CSMD1: variants seen among roughly 807,000 people sequenced by gnomAD.
CSMD1 encodes CUB and sushi domain-containing protein 1.
A neutral mutation model predicts 417.5 loss-of-function variants in CSMD1; 213 were observed. The ratio of observed to expected loss-of-function variants is 0.51; its 90% CI spans 0.46 to 0.57. The LOEUF (loss-of-function observed/expected upper bound fraction) is 0.57. CSMD1 is among the 20% of genes least tolerant of loss of function. The pLI is 0.00. For missense variants in CSMD1, 6,923 were observed against 4,529.7 expected (o/e 1.53, Z -15.17); for synonymous variants, 2,862 against 1,736.8 (o/e 1.65, Z -16.11).
chr8:4,441,095 G>GTTTTTTGTTTTTTTTTTTTTTT (rs1554478144), intron 2 of CSMD1, among the ~76,000 whole-genome samples: 2 of 51,296 alleles, frequency 3.9e-5, no homozygotes, highest in African/African-American at 1.3e-4. Flanking sequence ...TAATCAAAAG[G>GTTTTTTGTTTTTTTTTTTTTTT]TTTTTTTTTT....
chr8:4,539,197 G>C (rs887443430), intron 2 of CSMD1, among the ~76,000 whole-genome samples: 1 of 152,146 alleles, frequency 6.6e-6, no homozygotes, highest in African/African-American at 2.4e-5. Flanking sequence ...CAGTATTACT[G>C]TATTTGAGGT....
intron 5 of CSMD1, among the ~76,000 whole-genome samples, chr8:3,996,638 T>G (rs914974991): frequency 6.6e-6 from 1 of 152,150 alleles, no homozygotes. Context: ...AAAGTTAAAG[T>G]CATACAACCT....
intron 36 of CSMD1, among the ~76,000 whole-genome samples, chr8:3,187,375 G>A (rs555465009): frequency 4.1e-4 from 63 of 152,284 alleles, no homozygotes; most frequent in Admixed American, 1.3e-3. Flanking sequence ...GGGTGCATTC[G>A]TGAGAGTCGG....
intron 7 of CSMD1, among the ~76,000 whole-genome samples, chr8:3,622,252 C>A (rs916674441): frequency 6.6e-6 from 1 of 152,144 alleles, no homozygotes; most frequent in East Asian, 1.9e-4. Context: ...GGCTGGATGT[C>A]TTCTATACTA....
At chr8:4,617,845 C>A (rs1801563017) in intron 2 of CSMD1, among the ~76,000 whole-genome samples, 1 of 152,112 alleles carries the variant, frequency 6.6e-6, no homozygotes, top group African/African-American at 2.4e-5. Context: ...TTGGAAGAGA[C>A]CAAGAACACT....
In CSMD1 at chr8:2,958,752, C is replaced by T. The variant is rs186723972; in HGVS notation, c.9703-945G>A. ...CTTGACTTATGAAGGCACATAAGTG[C>T]ACCAAGTTAGCATCCAAAGATTTGA... On this transcript the variant is annotated intron_variant, in intron 62 of 69. Coordinates refer to ENST00000635120, the MANE Select transcript of CSMD1 (RefSeq NM_033225.6). 5.0e-4 allele frequency among the ~76,000 whole-genome samples: 76 copies of T among 152,358 alleles called. 1 individual carries two copies. The highest frequency in any genetic ancestry group is 3.2e-4 in the Non-Finnish European group (22 of 68,040).
rs544347060 is a variant in CSMD1, at chr8:3,867,555, T to A, written c.819-113513A>T. On this transcript the variant is annotated intron_variant, in intron 5 of 69. Coordinates refer to ENST00000635120, the MANE Select transcript of CSMD1 (RefSeq NM_033225.6). ...GACAACAGAAGGCTAGTGAGAGACG[T>A]CTAATCCTCTAATGAACTGTGTGGA... 4.6e-5 allele frequency among the ~76,000 whole-genome samples: 7 copies of A among 152,234 alleles called. No individual in the cohort carries two copies. The South Asian group carries it at 1.5e-3, about 32-fold the overall frequency.
At chr8:4,154,427 C>T (rs997199481) in intron 3 of CSMD1, among the ~76,000 whole-genome samples, 2 of 152,172 alleles carry the variant, frequency 1.3e-5, no homozygotes, top group Non-Finnish European at 2.9e-5. Context: ...GCAGATGCCA[C>T]TTTATTGCCT....
chr8:3,493,640 G>A lies in CSMD1; in HGVS notation c.1431C>T (p.Thr477=), dbSNP rs374322664. The A allele has an allele frequency of 2.5e-5, 41 of 1,610,612 alleles. No homozygotes were observed. The highest frequency in any genetic ancestry group is 3.4e-5 in the Non-Finnish European group (40 of 1,178,558). Residue 477 remains threonine (T), a synonymous_variant, in exon 11 of 70, where the codon ACC becomes ACT. Transcript: ENST00000635120. ...TVGDAGKVGD[T]RSVLYVLTGS... ...ATACTCACACGTACAAGACCGATCT[G>A]GTGTCTCCCACCTTCCCAGCATCAC...
At chr8:3,645,120 T>G (rs1042778706) in intron 7 of CSMD1, among the ~76,000 whole-genome samples, 1 of 152,150 alleles carries the variant, frequency 6.6e-6, no homozygotes, top group Non-Finnish European at 1.5e-5. Context: ...GCTAAGGCCA[T>G]GTTCAAAGCC....
At chr8:3,847,364 G>T (rs1268365933) in intron 5 of CSMD1, among the ~76,000 whole-genome samples, 1 of 152,136 alleles carries the variant, frequency 6.6e-6, no homozygotes, top group Non-Finnish European at 1.5e-5. Flanking sequence ...GGAAGCAGAA[G>T]TGGTCCCCTC....
chr8:3,974,795 A>G, intron 5 of CSMD1, among the ~76,000 whole-genome samples: 1 of 152,118 alleles, frequency 6.6e-6, no homozygotes, highest in East Asian at 1.9e-4. Context: ...TCATTAATTC[A>G]CAATTTTTTA....
chr8:3,540,202 T>G (rs140891875), intron 10 of CSMD1, among the ~76,000 whole-genome samples: 1 of 152,204 alleles, frequency 6.6e-6, no homozygotes, highest in South Asian at 2.1e-4. Context: ...CTTATTCCAA[T>G]GTTTTAGGCT....
chr8:4,826,321 G>A (rs929367621), intron 1 of CSMD1, among the ~76,000 whole-genome samples: 18 of 151,964 alleles, frequency 1.2e-4, no homozygotes, highest in African/African-American at 3.4e-4. Context: ...GTGTGTGTGT[G>A]TATATATACA....
intron 1 of CSMD1, among the ~76,000 whole-genome samples, chr8:4,765,067 G>A (rs1812371063): frequency 6.6e-6 from 1 of 152,076 alleles, no homozygotes; most frequent in South Asian, 2.1e-4. Flanking sequence ...CTATCACACA[G>A]CATGAGGAAC....
chr8:3,390,562 G>A (rs370172294), intron 17 of CSMD1, among the ~76,000 whole-genome samples: 7 of 151,860 alleles, frequency 4.6e-5, no homozygotes, highest in African/African-American at 1.7e-4. Context: ...GGACTTTGTT[G>A]AAACGACGTG....
intron 31 of CSMD1, among the ~76,000 whole-genome samples, chr8:3,204,164 C>T (rs529947575): frequency 2.1e-4 from 32 of 152,160 alleles, no homozygotes; most frequent in African/African-American, 7.2e-4. Context: ...AGGATGTGAT[C>T]GTTTGTGTGA....
intron 23 of CSMD1, among the ~76,000 whole-genome samples, chr8:3,331,566 T>C (rs1478259362): frequency 1.3e-5 from 2 of 152,124 alleles, no homozygotes; most frequent in African/African-American, 4.8e-5. Context: ...AAACTGAAAA[T>C]AACAAAAGGA....
intron 3 of CSMD1, among the ~76,000 whole-genome samples, chr8:4,143,734 C>A (rs1164994123): frequency 3.3e-5 from 5 of 151,046 alleles, no homozygotes; most frequent in African/African-American, 1.2e-4. Context: ...AGGAAGGAAG[C>A]TGTGAAAGGG....
Sources: allele counts gnomAD v4.1 joint callset (sites outside exome capture counted in the v4.1 genomes callset), GRCh38; gene constraint gnomAD v4.1.1; transcripts MANE v1.5; gene names NCBI Gene and HGNC (gene_info 2026-07-23, HGNC 2026-07-21).